Variants in HIBADH observed in about 807,000 individuals in gnomAD.
HIBADH encodes 3-hydroxyisobutyrate dehydrogenase.
HIBADH carries 25 observed loss-of-function variants against 36.1 expected under a neutral mutation model. That is an observed-to-expected ratio of 0.69 (90% CI 0.50 to 0.97). HIBADH has a LOEUF of 0.97. HIBADH is among the 50% of genes least tolerant of loss of function. The pLI is 0.00. For missense variants in HIBADH, 421 were observed against 418.0 expected (o/e 1.01, Z -0.06); for synonymous variants, 160 against 149.5 (o/e 1.07, Z -0.51).
At chr7:27,607,296 T>C (rs1163831816) in intron 4 of HIBADH, among the ~76,000 whole-genome samples, 1 of 152,068 alleles carries the variant, frequency 6.6e-6, no homozygotes, top group African/African-American at 2.4e-5. Flanking sequence ...TCACCTGAGG[T>C]CAGGAGTTCG....
chr7:27,593,869 A>C (rs1784982772), intron 4 of HIBADH, among the ~76,000 whole-genome samples: 1 of 151,890 alleles, frequency 6.6e-6, no homozygotes. Flanking sequence ...ATGTATAAAC[A>C]TCGATGGAAA....
intron 4 of HIBADH, among the ~76,000 whole-genome samples, chr7:27,577,732 G>C (rs1347062648): frequency 6.6e-6 from 1 of 152,100 alleles, no homozygotes; most frequent in Non-Finnish European, 1.5e-5. Flanking sequence ...CCCTAAAGTA[G>C]TGGCAATGCT....
intron 2 of HIBADH, among the ~76,000 whole-genome samples, chr7:27,639,605 A>G (rs1785923419): frequency 1.3e-5 from 2 of 152,146 alleles, no homozygotes; most frequent in Admixed American, 1.3e-4. Flanking sequence ...AAAAACATCA[A>G]CTGCAAGCTT....
intron 4 of HIBADH, among the ~76,000 whole-genome samples, chr7:27,619,401 G>A (rs1289552393): frequency 2.3e-4 from 35 of 152,100 alleles, no homozygotes; most frequent in Admixed American, 2.3e-3. Context: ...CAGGAAACAT[G>A]AAAAAGCAAG....
chr7:27,613,714 A>G (rs1467844276), intron 4 of HIBADH, among the ~76,000 whole-genome samples: 5 of 147,540 alleles, frequency 3.4e-5, no homozygotes, highest in African/African-American at 1.3e-4. Flanking sequence ...GCTGGAGTGC[A>G]GTGGCACAAT....
Position 27,538,558 on chromosome 7 carries a change from C to T in HIBADH, c.619-141G>A, listed in dbSNP as rs574548170. On this transcript the variant is annotated intron_variant, in intron 5 of 7. Transcript: ENST00000265395. ...TGATTTTCTCGAGTGCGGAAGAGAA[C>T]CTGATGCAGCATGGCTCCCTCTGAA... 19 of 696,292 alleles carry T rather than the reference C, an allele frequency of 2.7e-5. No individual in the cohort carries two copies. The East Asian group carries it at 4.9e-4, about 18-fold the overall frequency. 43.1% of individuals were successfully genotyped at this position (696,292 alleles called of 1,614,324 possible). A position where few individuals can be genotyped will look rare whatever the true frequency, so the allele number is the denominator to read the frequency against.
chr7:27,577,856 C>T (rs899127773), intron 4 of HIBADH, among the ~76,000 whole-genome samples: 1 of 152,110 alleles, frequency 6.6e-6, no homozygotes, highest in African/African-American at 2.4e-5. Flanking sequence ...GTGTGGAGTG[C>T]CAATTGTTTC....
intron 4 of HIBADH, among the ~76,000 whole-genome samples, chr7:27,611,286 G>T (rs2128291854): frequency 6.6e-6 from 1 of 152,336 alleles, no homozygotes; most frequent in East Asian, 1.9e-4. Flanking sequence ...CAAATCTACA[G>T]ATGTATTAGG....
At chr7:27,662,028 AGAG>A (rs1293139347) in intron 1 of HIBADH, among the ~76,000 whole-genome samples, 1 of 152,130 alleles carries the variant, frequency 6.6e-6, no homozygotes, top group African/African-American at 2.4e-5. Flanking sequence ...CCATGGTATG[AGAG>A]GAGGGAGGCA....
At chr7:27,614,152 A>G (rs1044122495) in intron 4 of HIBADH, among the ~76,000 whole-genome samples, 1 of 152,192 alleles carries the variant, frequency 6.6e-6, no homozygotes, top group Non-Finnish European at 1.5e-5. Context: ...TGCAAGTATT[A>G]GTATGTTTTT....
intron 4 of HIBADH, among the ~76,000 whole-genome samples, chr7:27,601,868 T>C (rs1785135592): frequency 6.6e-6 from 1 of 152,152 alleles, no homozygotes; most frequent in African/African-American, 2.4e-5. Context: ...TGAACTTTTT[T>C]TGGTTAGCTA....
At chr7:27,627,179 A>C (rs1320160459) in intron 4 of HIBADH, among the ~76,000 whole-genome samples, 1 of 152,178 alleles carries the variant, frequency 6.6e-6, no homozygotes, top group African/African-American at 2.4e-5. Context: ...AGAATCTCTG[A>C]CACTGGACCT....
At chr7:27,546,495 T>C (rs1784237107) in intron 4 of HIBADH, among the ~76,000 whole-genome samples, 1 of 152,202 alleles carries the variant, frequency 6.6e-6, no homozygotes, top group Non-Finnish European at 1.5e-5. Context: ...ATTTAGTTAC[T>C]TAAGCCATTG....
intron 7 of HIBADH, among the ~76,000 whole-genome samples, chr7:27,529,326 G>C (rs1361902890): frequency 6.6e-6 from 1 of 152,154 alleles, no homozygotes; most frequent in Non-Finnish European, 1.5e-5. Context: ...TGATTCCTCT[G>C]ACAGCTCTGG....
intron 2 of HIBADH, among the ~76,000 whole-genome samples, chr7:27,639,397 C>T (rs1015386507): frequency 1.3e-5 from 2 of 151,932 alleles, no homozygotes; most frequent in Non-Finnish European, 2.9e-5. Context: ...TGAGTACACA[C>T]AGACACAAAG....
intron 6 of HIBADH, among the ~76,000 whole-genome samples, chr7:27,532,881 T>C (rs934384985): frequency 6.6e-6 from 1 of 152,166 alleles, no homozygotes; most frequent in African/African-American, 2.4e-5. Context: ...GTATATCACT[T>C]AGGAAAAGAT....
At chr7:27,597,395 A>G (rs1351438932) in intron 4 of HIBADH, among the ~76,000 whole-genome samples, 2 of 152,088 alleles carry the variant, frequency 1.3e-5, no homozygotes, top group African/African-American at 4.8e-5. Context: ...GGGGAAAACG[A>G]TGATTATTAT....
chr7:27,651,623 A>C (rs1437475406), intron 1 of HIBADH, among the ~76,000 whole-genome samples: 2 of 152,226 alleles, frequency 1.3e-5, no homozygotes, highest in Non-Finnish European at 2.9e-5. Flanking sequence ...TAATTTAAAG[A>C]CAGTTAATTT....
chr7:27,655,256 A>C (rs1786277460), intron 1 of HIBADH, among the ~76,000 whole-genome samples: 1 of 152,208 alleles, frequency 6.6e-6, no homozygotes, highest in Non-Finnish European at 1.5e-5. Context: ...TTTGAATGCA[A>C]ATTGTACATT....
Sources: gnomAD v4.1 joint callset for allele counts (sites outside exome capture counted in the v4.1 genomes callset) on GRCh38, gnomAD v4.1.1 for gene constraint, MANE v1.5 for transcripts, NCBI Gene and HGNC (gene_info 2026-07-23, HGNC 2026-07-21) for gene names.